Variants in CELF2 observed in about 807,000 individuals in gnomAD.
CELF2 encodes the protein CUG triplet repeat RNA-binding protein 2.
In CELF2, 8 loss-of-function variants were observed where a neutral mutation model predicts 62.6. That is an observed-to-expected ratio of 0.13 (90% confidence interval 0.07 to 0.23). The LOEUF is 0.23. Among genes scored for constraint, CELF2 ranks in the 10% least tolerant of loss-of-function variants. CELF2 has a pLI of 1.00. For synonymous variants in CELF2, 258 were observed against 250.0 expected, an observed-to-expected ratio of 1.03 and a Z score of -0.30; for missense variants, 333 against 671.0, an observed-to-expected ratio of 0.50 and a Z score of 5.56.
intron 10 of CELF2, chr10:11,317,983 A>C (rs2095161246): frequency 6.6e-6 from 1 of 152,246 alleles, no homozygotes; most frequent in Non-Finnish European, 1.5e-5. Flanking sequence ...TTCAAGGAAA[A>C]GCCCTATTCT....
chr10:10,968,731 GA>G (rs79085783), intron 2 of CELF2, among the ~76,000 whole-genome samples: 28,645 of 145,224 alleles, frequency 0.2, 4,309 homozygotes, highest in East Asian at 0.69. Context: ...GTGGTGAAAA[GA>G]AAAAAAAAAA....
At chr10:11,018,290 C>T in intron 1 of CELF2, 127 bp downstream of exon 1, 2 of 704,830 alleles carry the variant, frequency 2.8e-6, no homozygotes, top group South Asian at 2.6e-5. Flanking sequence ...CGTCGCCTCC[C>T]TCGGCCTTCG....
rs1321558104 is a variant in CELF2 at position 11,309,354 on chromosome 10, T to A, written c.977-4785T>A. Reference sequence around the variant, plus strand: ...AGCAAGAATAATTCAGTGAAGTCTATTCCCCTGCACTGTGCCTCTGCTGTC... The same window carrying A: ...AGCAAGAATAATTCAGTGAAGTCTAATCCCCTGCACTGTGCCTCTGCTGTC... On this transcript the variant is annotated intron_variant, in intron 9 of 12. Coordinates refer to ENST00000633077, the MANE Select transcript of CELF2 (RefSeq NM_001326342.2). This position sits in a 1 kb window ranked among gnomAD's most constrained non-coding sequence, Gnocchi z 5.6. 6.6e-6 allele frequency among the ~76,000 whole-genome samples: 1 copy of A among 152,262 alleles called. No homozygotes were observed. Among genetic ancestry groups the A allele is most frequent in the Non-Finnish European group, 1.5e-5 (1 of 68,036 alleles).
the CELF2 span, among the ~76,000 whole-genome samples, chr10:10,682,987 C>T: frequency 1.6e-4 from 25 of 152,324 alleles, no homozygotes; most frequent in East Asian, 4.6e-3. Context: ...CAGTGCCACA[C>T]TCACAGAACG....
At chr10:10,682,122 C>T in the CELF2 span, among the ~76,000 whole-genome samples, 5 of 152,148 alleles carry the variant, frequency 3.3e-5, no homozygotes, top group African/African-American at 4.8e-5. Context: ...CAACAGGTAT[C>T]AAAATCCTCA....
At chr10:10,504,450 A>C in the CELF2 span, among the ~76,000 whole-genome samples, 2 of 152,074 alleles carry the variant, frequency 1.3e-5, no homozygotes, top group Admixed American at 6.6e-5. Flanking sequence ...TGTTTTTGCT[A>C]TAGGTAAGGC....
At chr10:10,787,255 T>C in the CELF2 span, among the ~76,000 whole-genome samples, 1 of 151,890 alleles carries the variant, frequency 6.6e-6, no homozygotes, top group African/African-American at 2.4e-5. Context: ...CAAATTCTTA[T>C]TTAAATGTTA....
chr10:10,877,539 G>A (rs1425463032), intron 1 of CELF2, among the ~76,000 whole-genome samples: 1 of 152,208 alleles, frequency 6.6e-6, no homozygotes, highest in Non-Finnish European at 1.5e-5. Flanking sequence ...CAGTGAGCAG[G>A]GGAGTGACTT....
intron 1 of CELF2, among the ~76,000 whole-genome samples, chr10:10,894,062 T>G (rs1230221342): frequency 6.6e-6 from 1 of 151,954 alleles, no homozygotes; most frequent in African/African-American, 2.4e-5. Context: ...AGTCAGAAGC[T>G]TACAGACAAT....
chr10:10,551,437 C>T, the CELF2 span, among the ~76,000 whole-genome samples: 1 of 152,082 alleles, frequency 6.6e-6, no homozygotes, highest in African/African-American at 2.4e-5. Context: ...AGCCTTTGGC[C>T]CGGCAGCTGG....
the CELF2 span, among the ~76,000 whole-genome samples, chr10:10,542,807 G>A: frequency 6.0e-4 from 92 of 152,180 alleles, no homozygotes; most frequent in Non-Finnish European, 1.3e-3. Flanking sequence ...ATACAAGACA[G>A]TAGTCTGACT....
chr10:10,795,135 G>C (rs921804896), upstream of CELF2, among the ~76,000 whole-genome samples: 6 of 152,020 alleles, frequency 3.9e-5, no homozygotes, highest in Admixed American at 6.6e-5. Flanking sequence ...CCAAAGGAAG[G>C]GGGAGGGAGA....
intron 1 of CELF2, among the ~76,000 whole-genome samples, chr10:10,838,843 A>G (rs751426921): frequency 3.9e-5 from 6 of 152,034 alleles, no homozygotes; most frequent in Admixed American, 6.6e-5. Flanking sequence ...TCCTGGTTCT[A>G]TTTATTAGAA....
chr10:10,546,420 G>A, the CELF2 span, among the ~76,000 whole-genome samples: 2 of 152,166 alleles, frequency 1.3e-5, no homozygotes, highest in African/African-American at 4.8e-5. Flanking sequence ...GTTAGTGCAG[G>A]TTTCCGGGAG....
chr10:10,919,033 A>G (rs2399578), intron 1 of CELF2, among the ~76,000 whole-genome samples: 148,655 of 152,254 alleles, frequency 0.98, 72,593 homozygotes, highest in East Asian at 1. Flanking sequence ...CACTTTGGTA[A>G]GCTGAGGCAG....
intron 3 of CELF2, among the ~76,000 whole-genome samples, chr10:11,236,985 G>T (rs1252074620): frequency 2.0e-5 from 3 of 152,184 alleles, no homozygotes; most frequent in Admixed American, 1.3e-4. Context: ...CAAGGAGCTG[G>T]ATATTAATTT....
At chr10:11,004,835 G>T (rs1237180568), upstream of CELF2, among the ~76,000 whole-genome samples, 1 of 152,180 alleles carries the variant, frequency 6.6e-6, no homozygotes, top group African/African-American at 2.4e-5. The surrounding 1 kb of genome is among the most constrained non-coding windows in gnomAD (Gnocchi z 5.0). Flanking sequence ...AGGAGCAGAT[G>T]AATCCAACTG....
chr10:10,750,290 A>T, the CELF2 span, among the ~76,000 whole-genome samples: 1 of 151,866 alleles, frequency 6.6e-6, no homozygotes, highest in Non-Finnish European at 1.5e-5. Flanking sequence ...CAAAGAAAAA[A>T]AAAAAAAAAG....
At chr10:10,774,302 C>T in the CELF2 span, among the ~76,000 whole-genome samples, 6 of 152,140 alleles carry the variant, frequency 3.9e-5, no homozygotes, top group Admixed American at 2.0e-4. Context: ...CATGTAGGGG[C>T]GGCCGTGCAC....
Sources: allele counts gnomAD v4.1 joint callset (sites outside exome capture counted in the v4.1 genomes callset), GRCh38; gene constraint gnomAD v4.1.1; non-coding constraint Gnocchi (gnomAD v3.1); transcripts MANE v1.5; gene names NCBI Gene and HGNC (gene_info 2026-07-23, HGNC 2026-07-21).